GPHN: variants seen among roughly 807,000 people sequenced by gnomAD.
The protein encoded by GPHN is gephyrin.
Under a neutral mutation model 95.5 loss-of-function variants are expected in GPHN, and 17 were observed. That is an observed-to-expected ratio of 0.18 (90% CI 0.12 to 0.27). The LOEUF is 0.27. Ranked by LOEUF, GPHN falls within the 10% of genes least tolerant of loss-of-function variation. GPHN has a pLI of 1.00. For missense variants in GPHN, 660 were observed against 978.1 expected, an observed-to-expected ratio of 0.67 and a Z score of 4.34; for synonymous variants, 320 against 322.5, an observed-to-expected ratio of 0.99 and a Z score of 0.08.
At chr14:67,360,750 C>CT in the GPHN span, 2 of 152,482 alleles carry the variant, frequency 1.3e-5, no homozygotes, top group African/African-American at 2.4e-5. Context: ...AATGCCATGA[C>CT]GATGGGGCGG....
chr14:66,873,894 C>T (rs1021678788), intron 4 of GPHN, among the ~76,000 whole-genome samples: 1 of 152,208 alleles, frequency 6.6e-6, no homozygotes, highest in Non-Finnish European at 1.5e-5. Flanking sequence ...GCACAGGGCT[C>T]AAGCTCTGCT....
Position 66,636,955 on chromosome 14 carries a change from C to T in GPHN, c.65-44152C>T, listed in dbSNP as rs376947936. On this transcript the variant is annotated intron_variant, in intron 1 of 22. Transcript: ENST00000478722. ...AAATTTTTGGCAAATTAAAATTTCACAACGCTACTCTTAGAACAGGATATA... is the reference window on the plus strand; with the variant it reads ...AAATTTTTGGCAAATTAAAATTTCATAACGCTACTCTTAGAACAGGATATA... Among the ~76,000 whole-genome samples the T allele has an allele frequency of 2.3e-4, 35 of 152,222 alleles. No individual in the cohort carries two copies. In the South Asian group the frequency reaches 6.2e-3, roughly 27 times the overall value.
intron 1 of GPHN, among the ~76,000 whole-genome samples, chr14:66,602,796 G>A (rs968888069): frequency 5.7e-4 from 87 of 151,850 alleles, no homozygotes; most frequent in African/African-American, 1.9e-3. Context: ...ATTAAGGAGG[G>A]GGGTGGAAGA....
At chr14:66,767,613 G>A (rs2059012602) in intron 2 of GPHN, among the ~76,000 whole-genome samples, 3 of 151,822 alleles carry the variant, frequency 2.0e-5, no homozygotes, top group Admixed American at 2.0e-4. Flanking sequence ...GGGGGAAAAT[G>A]GAAATTTGGA....
At chr14:67,228,102 A>G in the GPHN span, among the ~76,000 whole-genome samples, 1 of 150,900 alleles carries the variant, frequency 6.6e-6, no homozygotes, top group Non-Finnish European at 1.5e-5. Context: ...CCCAGGAGGC[A>G]GGGGTTGCAG....
At chr14:67,571,465 C>A in the GPHN span, 1 of 349,874 alleles carries the variant, frequency 2.9e-6, no homozygotes, top group Non-Finnish European at 5.4e-6. Context: ...CTTTCTGGCC[C>A]CCTAGTGGCA....
chr14:67,488,860 G>C, the GPHN span: 1 of 152,228 alleles, frequency 6.6e-6, no homozygotes, highest in Non-Finnish European at 1.5e-5. Context: ...TCCTTTTGAG[G>C]GCAGTGTCCC....
At chr14:66,804,006 T>G (rs1199809162) in intron 3 of GPHN, among the ~76,000 whole-genome samples, 5 of 151,648 alleles carry the variant, frequency 3.3e-5, no homozygotes, top group Non-Finnish European at 4.4e-5. Context: ...CTTTTGGGGG[T>G]TTTTTTTGTT....
At chr14:66,843,185 A>T (rs1596111898) in intron 4 of GPHN, among the ~76,000 whole-genome samples, 1 of 152,090 alleles carries the variant, frequency 6.6e-6, no homozygotes, top group East Asian at 1.9e-4. Context: ...AATGATTTGC[A>T]TTCTTCACTC....
At chr14:66,661,581 A>C (rs1244452171) in intron 1 of GPHN, among the ~76,000 whole-genome samples, 1 of 152,174 alleles carries the variant, frequency 6.6e-6, no homozygotes, top group African/African-American at 2.4e-5. Flanking sequence ...TGGAGAGTCC[A>C]AACCGACCAG....
the GPHN span, chr14:67,615,957 G>A: frequency 4.9e-6 from 2 of 412,108 alleles, no homozygotes; most frequent in Non-Finnish European, 9.1e-6. Context: ...AAAGGATACT[G>A]CTACATATTG....
chr14:66,683,074 T>G (rs1030304327), intron 2 of GPHN, among the ~76,000 whole-genome samples: 1 of 151,664 alleles, frequency 6.6e-6, no homozygotes, highest in African/African-American at 2.4e-5. Flanking sequence ...TGTACCTGTC[T>G]TAAAACAGCC....
intron 1 of GPHN, among the ~76,000 whole-genome samples, chr14:66,577,964 C>A (rs76814616): frequency 5.9e-5 from 9 of 151,922 alleles, no homozygotes; most frequent in South Asian, 4.1e-4. Context: ...TAAGACATTG[C>A]ATTTGATAAG....
chr14:67,270,253 C>G, the GPHN span: 1 of 152,196 alleles, frequency 6.6e-6, no homozygotes, highest in Non-Finnish European at 1.5e-5. Flanking sequence ...AACTAAAACC[C>G]TTTCTCCCTT....
At chr14:66,807,653 T>A (rs1469555639) in intron 3 of GPHN, among the ~76,000 whole-genome samples, 1 of 152,238 alleles carries the variant, frequency 6.6e-6, no homozygotes, top group Non-Finnish European at 1.5e-5. Context: ...CTCCCAAAGG[T>A]AATCACTATC....
At chr14:66,797,768 A>C (rs947784521) in intron 3 of GPHN, among the ~76,000 whole-genome samples, 1 of 151,972 alleles carries the variant, frequency 6.6e-6, no homozygotes, top group African/African-American at 2.4e-5. Context: ...ATCATCTGCA[A>C]ACAAGGAAAA....
chr14:67,219,199 T>C, the GPHN span, among the ~76,000 whole-genome samples: 1 of 152,200 alleles, frequency 6.6e-6, no homozygotes, highest in Non-Finnish European at 1.5e-5. Context: ...GGGCTTGTGA[T>C]GACTGTGGGA....
the GPHN span, among the ~76,000 whole-genome samples, chr14:67,218,446 G>A: frequency 6.6e-6 from 1 of 152,264 alleles, no homozygotes; most frequent in Non-Finnish European, 1.5e-5. Context: ...CGTGCTCACT[G>A]GGGACAGCCT....
chr14:67,312,861 G>C, the GPHN span: 1 of 582,778 alleles, frequency 1.7e-6, no homozygotes. Flanking sequence ...TGTACCTGCA[G>C]CGTAAGTATA....
Sources: allele counts gnomAD v4.1 joint callset (sites outside exome capture counted in the v4.1 genomes callset), GRCh38; gene constraint gnomAD v4.1.1; transcripts MANE v1.5; gene names NCBI Gene and HGNC (gene_info 2026-07-23, HGNC 2026-07-21).